Variants in KHDRBS2 observed in about 807,000 individuals in gnomAD.
The protein encoded by KHDRBS2 is KH RNA binding domain containing, signal transduction associated 2.
Under a neutral mutation model 44.3 loss-of-function variants are expected in KHDRBS2, and 26 were observed. That is an observed-to-expected ratio of 0.59 (90% CI 0.43 to 0.81). The LOEUF (loss-of-function observed/expected upper bound fraction) is 0.81, where lower values mean the gene tolerates loss of function less well. KHDRBS2 is among the 40% of genes least tolerant of loss of function. The pLI is 0.00. For missense variants in KHDRBS2, 476 were observed against 433.1 expected, an observed-to-expected ratio of 1.10 and a Z score of -0.88; for synonymous variants, 194 against 151.1, an observed-to-expected ratio of 1.28 and a Z score of -2.08.
intron 2 of KHDRBS2, among the ~76,000 whole-genome samples, chr6:62,167,275 G>A (rs542694206): frequency 2.0e-5 from 3 of 152,096 alleles, no homozygotes; most frequent in African/African-American, 7.2e-5. Flanking sequence ...GGACATATTC[G>A]TAAGGGGTCA....
chr6:61,722,012 C>A (rs909517182), intron 7 of KHDRBS2, among the ~76,000 whole-genome samples: 2 of 150,696 alleles, frequency 1.3e-5, no homozygotes, highest in African/African-American at 4.9e-5. Flanking sequence ...TTGTCAAAGG[C>A]CTTTTCTGCA....
chr6:62,135,845 C>T (rs9342688), intron 2 of KHDRBS2, among the ~76,000 whole-genome samples: 77,082 of 151,314 alleles, frequency 0.51, 19,944 homozygotes, highest in Non-Finnish European at 0.55. Context: ...GTCTTTTTCA[C>T]ATATGGAAAG....
chr6:61,771,105 G>T, intron 6 of KHDRBS2, among the ~76,000 whole-genome samples: 1 of 152,042 alleles, frequency 6.6e-6, no homozygotes. Flanking sequence ...AAGTGAAGGA[G>T]AAATAAAATA....
At chr6:61,616,324 T>C in the KHDRBS2 span, among the ~76,000 whole-genome samples, 52 of 152,240 alleles carry the variant, frequency 3.4e-4, 1 homozygote, top group Non-Finnish European at 6.3e-4. Context: ...AGTGCAATAG[T>C]TATTCTTGTC....
intron 1 of KHDRBS2, among the ~76,000 whole-genome samples, chr6:62,240,741 T>A (rs1022421788): frequency 7.0e-6 from 1 of 141,942 alleles, no homozygotes; most frequent in African/African-American, 2.6e-5. Context: ...TACTAATGTC[T>A]TTAACTCAAA....
intron 3 of KHDRBS2, among the ~76,000 whole-genome samples, chr6:62,046,361 T>C (rs1386044929): frequency 6.6e-6 from 1 of 151,990 alleles, no homozygotes; most frequent in Non-Finnish European, 1.5e-5. Flanking sequence ...AGATTCTGCA[T>C]GTGCAAAGCT....
chr6:61,846,479 G>T (rs1229426144), intron 6 of KHDRBS2, among the ~76,000 whole-genome samples: 1 of 152,106 alleles, frequency 6.6e-6, no homozygotes, highest in Non-Finnish European at 1.5e-5. Flanking sequence ...GTGTCTATAT[G>T]TTGAGAATAA....
chr6:62,063,325 G>A (rs748398245), intron 2 of KHDRBS2, among the ~76,000 whole-genome samples: 148 of 150,994 alleles, frequency 9.8e-4, no homozygotes, highest in African/African-American at 1.6e-3. Flanking sequence ...AGACACAACC[G>A]AACAAGAGAA....
intron 6 of KHDRBS2, among the ~76,000 whole-genome samples, chr6:61,765,786 T>C (rs1779918480): frequency 6.6e-6 from 1 of 152,194 alleles, no homozygotes; most frequent in Non-Finnish European, 1.5e-5. Flanking sequence ...TCACATAATG[T>C]ATCACATTGA....
chr6:61,581,526 G>A, the KHDRBS2 span, among the ~76,000 whole-genome samples: 1 of 147,874 alleles, frequency 6.8e-6, no homozygotes, highest in Non-Finnish European at 1.5e-5. Flanking sequence ...ATATAATATA[G>A]ATTATAATAT....
intron 1 of KHDRBS2, among the ~76,000 whole-genome samples, chr6:62,243,466 T>C (rs981557769): frequency 1.3e-5 from 2 of 152,096 alleles, no homozygotes; most frequent in Non-Finnish European, 2.9e-5. Context: ...CTAGTCAGGC[T>C]TGTAAGCCAA....
intron 2 of KHDRBS2, among the ~76,000 whole-genome samples, chr6:62,115,489 A>C (rs1172111407): frequency 1.3e-5 from 2 of 152,244 alleles, no homozygotes; most frequent in African/African-American, 4.8e-5. Context: ...CCAAATGCCA[A>C]GCTCTTAATC....
At chr6:61,760,569 C>T (rs1226442763) in intron 6 of KHDRBS2, among the ~76,000 whole-genome samples, 1 of 151,414 alleles carries the variant, frequency 6.6e-6, no homozygotes, top group Non-Finnish European at 1.5e-5. Flanking sequence ...GAGGTGGAGG[C>T]TGCAGTGAGC....
chr6:61,710,812 T>TC (rs1770378920), intron 7 of KHDRBS2, among the ~76,000 whole-genome samples: 1 of 142,954 alleles, frequency 7.0e-6, no homozygotes, highest in Non-Finnish European at 1.5e-5. Flanking sequence ...TTTTTTTTTT[T>TC]AATCTTGATC....
intron 2 of KHDRBS2, among the ~76,000 whole-genome samples, chr6:62,063,309 G>C (rs1204482058): frequency 6.7e-6 from 1 of 150,262 alleles, no homozygotes; most frequent in Non-Finnish European, 1.5e-5. Context: ...TACCAAAGCC[G>C]GGCAGAGACA....
intron 1 of KHDRBS2, among the ~76,000 whole-genome samples, chr6:62,232,581 C>A (rs760350849): frequency 3.3e-5 from 5 of 152,116 alleles, no homozygotes; most frequent in Non-Finnish European, 7.4e-5. Context: ...AATACACACA[C>A]ATGCTTATTT....
chr6:61,942,385 A>G (rs1222958957), intron 4 of KHDRBS2, among the ~76,000 whole-genome samples: 1 of 152,196 alleles, frequency 6.6e-6, no homozygotes, highest in Non-Finnish European at 1.5e-5. Flanking sequence ...GATAAATATC[A>G]TAAAAAGAAC....
In KHDRBS2 at chr6:61,894,732, A is replaced by G. The variant is rs1275969579; in HGVS notation, c.713T>C (p.Val238Ala). ...TCGAGGGGTAGGGACACCTCTTGCT[A>G]CAGGTGGCACTGGAAGCGCTCCACG... is the stretch of plus-strand genomic sequence containing the variant. ...VTRGALPVPP[V>A]ARGVPTPRAR... is the part of the protein sequence containing the mutation. Residue 238 changes from valine (V) to alanine (A), a missense_variant, in exon 6 of 9, where the codon GTA becomes GCA. Val to Ala is a moderately conservative substitution (Grantham distance 64). Coordinates refer to ENST00000281156, the MANE Select transcript of KHDRBS2 (RefSeq NM_152688.4). 1 of 1,613,650 alleles carries G rather than the reference A, an allele frequency of 6.2e-7. No homozygotes were observed. The highest frequency in any genetic ancestry group is 2.2e-5 in the East Asian group (1 of 44,840).
At chr6:62,079,255 CTAAT>C (rs1189639061) in intron 2 of KHDRBS2, among the ~76,000 whole-genome samples, 2 of 151,700 alleles carry the variant, frequency 1.3e-5, no homozygotes, top group Non-Finnish European at 2.9e-5. Flanking sequence ...TTCTATTAAT[CTAAT>C]ACACAATTAT....
Sources: gnomAD v4.1 joint callset for allele counts (sites outside exome capture counted in the v4.1 genomes callset) on GRCh38, gnomAD v4.1.1 for gene constraint, MANE v1.5 for transcripts, NCBI Gene and HGNC (gene_info 2026-07-23, HGNC 2026-07-21) for gene names.